The following LMTK2 variants were observed in gnomAD, a reference collection of about 807,000 sequenced individuals.
The protein encoded by LMTK2 is serine/threonine-protein kinase LMTK2.
LMTK2 carries 37 observed loss-of-function variants against 127.5 expected under a neutral mutation model. The ratio of observed to expected loss-of-function variants is 0.29; its 90% CI spans 0.22 to 0.38. LMTK2 has a LOEUF of 0.38. Ranked by LOEUF, LMTK2 falls within the 10% of genes least tolerant of loss-of-function variation. LMTK2 has a pLI of 1.00. For missense variants in LMTK2, 1,694 were observed against 1,920.3 expected, an observed-to-expected ratio of 0.88 and a Z score of 2.20; for synonymous variants, 819 against 810.1, an observed-to-expected ratio of 1.01 and a Z score of -0.19.
At chr7:98,201,900 C>T (rs1797709898) in intron 11 of LMTK2, among the ~76,000 whole-genome samples, 1 of 152,204 alleles carries the variant, frequency 6.6e-6, no homozygotes, top group Non-Finnish European at 1.5e-5. Context: ...GTGAGCCACC[C>T]CACCTGGCCC....
At chr7:98,161,604 T>C (rs1301055161) in intron 6 of LMTK2, among the ~76,000 whole-genome samples, 5 of 152,336 alleles carry the variant, frequency 3.3e-5, no homozygotes, top group East Asian at 3.9e-4. Context: ...CAGGGTGTTA[T>C]TGCTTATTAT....
At chr7:98,110,201 A>G (rs1267481830) in intron 1 of LMTK2, among the ~76,000 whole-genome samples, 3 of 152,212 alleles carry the variant, frequency 2.0e-5, no homozygotes, top group African/African-American at 4.8e-5. Context: ...TCATTTATCT[A>G]TGGTGTCTTC....
Position 98,193,731 on chromosome 7 carries a change from C to A in LMTK2, c.3266C>A (p.Pro1089His). The change falls in exon 11 of 14, where the codon CCT becomes CAT. Residue 1089 changes from proline (P) to histidine (H), a missense_variant. Pro to His is a moderately conservative substitution (Grantham distance 77). Coordinates refer to ENST00000297293, the MANE Select transcript of LMTK2 (RefSeq NM_014916.4). The surrounding 1 kb of genome is among the most constrained non-coding windows in gnomAD (Gnocchi z 4.1). ...GGTCACAGAGGCACAGAAGTGACCCCTGAGACGTTCACAGCTGGCTCCCAG... is the reference window on the plus strand; with the variant it reads ...GGTCACAGAGGCACAGAAGTGACCCATGAGACGTTCACAGCTGGCTCCCAG... ...GDGHRGTEVT[P>H]ETFTAGSQGS... 1.2e-6 allele frequency: 2 copies of A among 1,613,914 alleles called. No homozygotes were observed. The highest frequency in any genetic ancestry group is 1.7e-6 in the Non-Finnish European group (2 of 1,180,012).
chr7:98,183,403 A>ATTTTTAT (rs1797383080), intron 7 of LMTK2, among the ~76,000 whole-genome samples: 1 of 151,800 alleles, frequency 6.6e-6, no homozygotes, highest in Admixed American at 6.6e-5. Context: ...TTTTTTATTT[A>ATTTTTAT]TTTTTATTTT....
intron 1 of LMTK2, among the ~76,000 whole-genome samples, chr7:98,121,306 G>T (rs947235698): frequency 2.6e-5 from 4 of 152,112 alleles, no homozygotes; most frequent in African/African-American, 9.7e-5. Context: ...ATTGCCTCTT[G>T]AAGTACTAAA....
chr7:98,173,036 G>A (rs1797217092), intron 7 of LMTK2, among the ~76,000 whole-genome samples: 1 of 152,206 alleles, frequency 6.6e-6, no homozygotes, highest in African/African-American at 2.4e-5. Flanking sequence ...AGGATTACAG[G>A]TGTGAGCCAC....
intron 1 of LMTK2, among the ~76,000 whole-genome samples, chr7:98,121,286 G>A (rs1395705867): frequency 1.3e-5 from 2 of 152,116 alleles, no homozygotes; most frequent in Middle Eastern, 3.2e-3. Context: ...GTTAAACTAC[G>A]AATCATAAGA....
In LMTK2 at chr7:98,207,125, G is replaced by A. The variant is rs935357564; in HGVS notation, c.*1633G>A. 6.6e-5 allele frequency: 10 copies of A among 152,250 alleles called. No homozygotes were observed. The highest frequency in any genetic ancestry group is 2.4e-4 in the African/African-American group (10 of 41,396). 9.4% of individuals were successfully genotyped at this position (152,250 alleles called of 1,614,324 possible). A position where few individuals can be genotyped will look rare whatever the true frequency, so the allele number is the denominator to read the frequency against. On this transcript the variant is annotated 3_prime_UTR_variant, in exon 14 of 14. Transcript: ENST00000297293. ...GGTGCAGCGCGGCTGTGCTGTGCTG[G>A]GGAGGCAGCCGTTCCTTCGGGGGTC...
rs143534780 is a variant in LMTK2, at chr7:98,186,896, A to G, written c.896A>G (p.Asp299Gly). 1.7e-5 allele frequency: 27 copies of G among 1,613,010 alleles called. No individual in the cohort carries two copies. In the African/African-American group the frequency reaches 2.8e-4, roughly 17 times the overall value. ...AAACAGGAGGATTATATTGAAACAG[A>G]TGATAAAAAAGTTTTCCCTCTGCGA... ...SRYKEDYIET[D>G]DKKVFPLRWT... The change falls in exon 9 of 14, where the codon GAT becomes GGT. Residue 299 changes from aspartate (D) to glycine (G), a missense_variant. This residue lies in a region of LMTK2 where 47 missense variants were observed against 95.4 expected (regional missense o/e 0.49). Transcript: ENST00000297293.
chr7:98,127,172 C>T (rs1158365083), intron 1 of LMTK2, among the ~76,000 whole-genome samples: 2 of 152,224 alleles, frequency 1.3e-5, no homozygotes, highest in East Asian at 3.9e-4. Flanking sequence ...AAGTTTGAGG[C>T]GTTAAATAAA....
Position 98,197,553 on chromosome 7 carries a change from C to T in LMTK2, c.4107+2981C>T, listed in dbSNP as rs1051328614. 2.0e-5 allele frequency among the ~76,000 whole-genome samples: 3 copies of T among 152,212 alleles called. No homozygotes were observed. In the East Asian group the frequency reaches 5.8e-4, roughly 29 times the overall value. ...GTTCCCTCCAGCCTGATCCGTCATA[C>T]TGTAAACAAGCACTGAAGGCTGGGC... On this transcript the variant is annotated intron_variant, in intron 11 of 13. Coordinates refer to ENST00000297293, the MANE Select transcript of LMTK2 (RefSeq NM_014916.4).
intron 7 of LMTK2, among the ~76,000 whole-genome samples, chr7:98,182,193 C>G (rs1386189672): frequency 6.6e-6 from 1 of 152,094 alleles, no homozygotes; most frequent in Non-Finnish European, 1.5e-5. Flanking sequence ...ATTTATTCAG[C>G]AGTTATTTAT....
At chr7:98,155,579 A>G (rs1317887750) in intron 5 of LMTK2, among the ~76,000 whole-genome samples, 2 of 151,228 alleles carry the variant, frequency 1.3e-5, no homozygotes, top group African/African-American at 2.5e-5. Context: ...GCGGGAAGCA[A>G]TGTGGAGGAC....
rs114530577 is a variant in LMTK2, at chr7:98,189,006, C to T, written c.999-1722C>T. Among the ~76,000 whole-genome samples, 916 of 152,276 alleles carry T rather than the reference C, an allele frequency of 6.0e-3. 4 individuals are homozygous for T. Among genetic ancestry groups the T allele is most frequent in the African/African-American group, 0.021 (869 of 41,556 alleles). On this transcript the variant is annotated intron_variant, in intron 9 of 13. Coordinates refer to ENST00000297293, the MANE Select transcript of LMTK2 (RefSeq NM_014916.4). Reference sequence around the variant, plus strand: ...AAGCCTCCCTTCACTCCTTTTCATTCTTCTGTCTTTTTCCCTCTGACTGGG... The same window carrying T: ...AAGCCTCCCTTCACTCCTTTTCATTTTTCTGTCTTTTTCCCTCTGACTGGG...
intron 1 of LMTK2, among the ~76,000 whole-genome samples, chr7:98,115,995 C>G (rs933695654): frequency 2.6e-5 from 4 of 152,116 alleles, no homozygotes; most frequent in Admixed American, 1.3e-4. Flanking sequence ...AAGCAGTCCT[C>G]CCATGTCAGC....
Position 98,205,515 on chromosome 7 carries a change from G to T in LMTK2, c.*23G>T, listed in dbSNP as rs376834738. The T allele has an allele frequency of 6.2e-7, 1 of 1,611,466 alleles. No individual in the cohort carries two copies. The highest frequency in any genetic ancestry group is 1.1e-5 in the South Asian group (1 of 91,054). On this transcript the variant is annotated 3_prime_UTR_variant, in exon 14 of 14. Coordinates refer to ENST00000297293, the MANE Select transcript of LMTK2 (RefSeq NM_014916.4). The stretch of plus-strand genomic sequence containing the variant: ...TAGGTGGCTGCCAACGCGCACGCTC[G>T]GGTCCGAGGCTGCTCCCCTGGAGCG...
At chr7:98,191,093 A>G (rs534335159) in intron 10 of LMTK2, among the ~76,000 whole-genome samples, 21 of 152,042 alleles carry the variant, frequency 1.4e-4, no homozygotes, top group Non-Finnish European at 2.6e-4. Context: ...AATTCTTTTC[A>G]TATTGTTTAT....
At chr7:98,120,707 A>G (rs1796348530) in intron 1 of LMTK2, among the ~76,000 whole-genome samples, 2 of 152,242 alleles carry the variant, frequency 1.3e-5, no homozygotes, top group Admixed American at 6.5e-5. Flanking sequence ...AGGGTTCCCT[A>G]TCTAGGCAGC....
intron 9 of LMTK2, among the ~76,000 whole-genome samples, chr7:98,189,511 G>A (rs759026601): frequency 2.0e-5 from 3 of 152,156 alleles, no homozygotes; most frequent in Admixed American, 6.5e-5. Flanking sequence ...GGCCACACCT[G>A]GATCTACCAA....
Sources: allele counts gnomAD v4.1 joint callset (sites outside exome capture counted in the v4.1 genomes callset), GRCh38; gene constraint gnomAD v4.1.1; regional missense constraint gnomAD v4.1.1; non-coding constraint Gnocchi (gnomAD v3.1); transcripts MANE v1.5; gene names NCBI Gene and HGNC (gene_info 2026-07-23, HGNC 2026-07-21).